Variants in FAM81B observed in about 807,000 individuals in gnomAD.
The protein encoded by FAM81B is protein FAM81B.
In FAM81B, 60 loss-of-function variants were observed where a neutral mutation model predicts 58.7. The ratio of observed to expected loss-of-function variants is 1.02; its 90% CI spans 0.83 to 1.27. The LOEUF (loss-of-function observed/expected upper bound fraction) is 1.27, where lower values mean the gene tolerates loss of function less well. Ranked by LOEUF, FAM81B falls within the 50% of genes most tolerant of loss-of-function variation. The pLI is 0.00. For synonymous variants in FAM81B, 189 were observed against 179.6 expected (o/e 1.05, Z -0.42); for missense variants, 491 against 522.0 (o/e 0.94, Z 0.58).
chr5:95,395,523 C>T (rs1184226500), intron 2 of FAM81B, among the ~76,000 whole-genome samples: 1 of 151,176 alleles, frequency 6.6e-6, no homozygotes, highest in East Asian at 1.9e-4. Flanking sequence ...TCTTTCCTGT[C>T]ATAAAAATGC....
chr5:95,401,968 T>C (rs1762125687), intron 3 of FAM81B, among the ~76,000 whole-genome samples: 1 of 152,228 alleles, frequency 6.6e-6, no homozygotes, highest in African/African-American at 2.4e-5. Flanking sequence ...AATATCTCTC[T>C]GAAAAGGCCC....
Position 95,421,625 on chromosome 5 carries a change from G to A in FAM81B, c.656+1223G>A, listed in dbSNP as rs148740715. 4.3e-4 allele frequency among the ~76,000 whole-genome samples: 65 copies of A among 151,910 alleles called. No individual in the cohort carries two copies. In the East Asian group the frequency reaches 0.012, roughly 27 times the overall value. Reference sequence around the variant, plus strand: ...TGACCATGGGGGGATTTTAAGTAAGGGGGTGGCATATCATATTTTGTGACA... The same window carrying A: ...TGACCATGGGGGGATTTTAAGTAAGAGGGTGGCATATCATATTTTGTGACA... On this transcript the variant is annotated intron_variant, in intron 5 of 9. Transcript: ENST00000283357.
intron 7 of FAM81B, among the ~76,000 whole-genome samples, chr5:95,441,604 CA>C (rs1489576473): frequency 1.3e-5 from 2 of 149,874 alleles, no homozygotes; most frequent in Non-Finnish European, 3.0e-5. Context: ...ACTATGTCTG[CA>C]AATTAAAAAA....
chr5:95,403,709 A>C (rs1762171741), intron 3 of FAM81B, among the ~76,000 whole-genome samples: 1 of 152,218 alleles, frequency 6.6e-6, no homozygotes, highest in Admixed American at 6.5e-5. Context: ...ATGCACAGAC[A>C]GGACAACATT....
chr5:95,409,179 G>C (rs1056034238), intron 3 of FAM81B, among the ~76,000 whole-genome samples: 8 of 152,116 alleles, frequency 5.3e-5, no homozygotes, highest in African/African-American at 1.7e-4. Flanking sequence ...TGTTTTCTGA[G>C]ATGGAGTCTC....
At chr5:95,449,003 T>C (rs968531221) in intron 9 of FAM81B, among the ~76,000 whole-genome samples, 3 of 152,162 alleles carry the variant, frequency 2.0e-5, no homozygotes, top group Non-Finnish European at 4.4e-5. Context: ...AGGATTAATT[T>C]GAAAGGCTCA....
chr5:95,394,022 C>T lies in FAM81B; in HGVS notation c.228+1125C>T, dbSNP rs138615998. On this transcript the variant is annotated intron_variant, in intron 2 of 9. Coordinates refer to ENST00000283357, the MANE Select transcript of FAM81B (RefSeq NM_152548.3). ...AAAAATTTAAATACTGTCTTAGATACCTAAAAATTACATTTAAAAAATTGC... is the reference window on the plus strand; with the variant it reads ...AAAAATTTAAATACTGTCTTAGATATCTAAAAATTACATTTAAAAAATTGC... 6.7e-3 allele frequency among the ~76,000 whole-genome samples: 1,018 copies of T among 152,200 alleles called. 7 individuals are homozygous for T. Among genetic ancestry groups the T allele is most frequent in the Admixed American group, 0.012 (176 of 15,288 alleles).
At chr5:95,397,150 T>A (rs1218509282) in intron 3 of FAM81B, 1 of 152,234 alleles carries the variant, frequency 6.6e-6, no homozygotes. Flanking sequence ...CCCCTGTCCC[T>A]TGGCCAGTTA....
At chr5:95,417,238 T>C (rs902319244) in intron 4 of FAM81B, among the ~76,000 whole-genome samples, 1 of 152,218 alleles carries the variant, frequency 6.6e-6, no homozygotes, top group Admixed American at 6.5e-5. Context: ...TGAGTGCTTT[T>C]TTTCCACTTT....
intron 3 of FAM81B, among the ~76,000 whole-genome samples, chr5:95,407,624 G>T (rs1341530735): frequency 6.6e-6 from 1 of 152,090 alleles, no homozygotes; most frequent in Admixed American, 6.5e-5. Flanking sequence ...AAACCTAACT[G>T]TTTTTTGTCT....
intron 6 of FAM81B, among the ~76,000 whole-genome samples, chr5:95,431,932 C>CTCTCTCTT: frequency 6.6e-6 from 1 of 151,770 alleles, no homozygotes; most frequent in African/African-American, 2.4e-5. Context: ...TGCAAAATTT[C>CTCTCTCTT]TCTCTCTTTT....
intron 3 of FAM81B, among the ~76,000 whole-genome samples, chr5:95,398,262 T>C (rs1762013430): frequency 6.6e-6 from 1 of 151,860 alleles, no homozygotes; most frequent in Non-Finnish European, 1.5e-5. Flanking sequence ...CTACTAAATA[T>C]ACAAAAATTA....
At chr5:95,427,038 G>GC (rs2152766629) in intron 5 of FAM81B, among the ~76,000 whole-genome samples, 1 of 150,488 alleles carries the variant, frequency 6.6e-6, no homozygotes, top group African/African-American at 2.5e-5. Context: ...GATAGAGCAA[G>GC]ACTCCGTCTC....
intron 4 of FAM81B, among the ~76,000 whole-genome samples, chr5:95,414,612 C>T (rs923221800): frequency 6.6e-6 from 1 of 152,198 alleles, no homozygotes; most frequent in African/African-American, 2.4e-5. Context: ...ACCCTTCTTT[C>T]CTTCACTCTG....
intron 3 of FAM81B, chr5:95,406,100 C>A (rs1461237381): frequency 6.5e-6 from 1 of 154,362 alleles, no homozygotes; most frequent in East Asian, 1.9e-4. Context: ...TGTTCCCTTT[C>A]CCTATTTTAT....
chr5:95,417,315 T>A (rs994237442), intron 4 of FAM81B, among the ~76,000 whole-genome samples: 1 of 152,206 alleles, frequency 6.6e-6, no homozygotes, highest in Admixed American at 6.5e-5. Context: ...AATAAGATTT[T>A]TTTTCTTAGT....
intron 6 of FAM81B, among the ~76,000 whole-genome samples, chr5:95,431,840 TTA>T (rs1744907057): frequency 6.6e-6 from 1 of 152,080 alleles, no homozygotes; most frequent in South Asian, 2.1e-4. Flanking sequence ...TAGTAAGTTT[TTA>T]GTTTCCCTTC....
chr5:95,435,045 C>A (rs1395082063), intron 6 of FAM81B, among the ~76,000 whole-genome samples: 1 of 152,176 alleles, frequency 6.6e-6, no homozygotes. Context: ...ATTGCAGTGC[C>A]ATTCTAAGAT....
At chr5:95,440,713 C>T (rs2152769716) in intron 7 of FAM81B, 2 of 680,702 alleles carry the variant, frequency 2.9e-6, no homozygotes, top group East Asian at 5.1e-5. Context: ...TTCAGCTTCT[C>T]ACCTATTTAG....
Sources: allele counts gnomAD v4.1 joint callset (sites outside exome capture counted in the v4.1 genomes callset), GRCh38; gene constraint gnomAD v4.1.1; transcripts MANE v1.5; gene names NCBI Gene and HGNC (gene_info 2026-07-23, HGNC 2026-07-21).